RBFOX2: variants seen among roughly 807,000 people sequenced by gnomAD.
The protein encoded by RBFOX2 is RNA binding fox-1 homolog 2.
RBFOX2 carries 10 observed loss-of-function variants against 49.1 expected under a neutral mutation model. That is an observed-to-expected ratio of 0.20 (90% CI 0.13 to 0.35). The LOEUF (loss-of-function observed/expected upper bound fraction) is 0.35, where lower values mean the gene tolerates loss of function less well. RBFOX2 is among the 10% of genes least tolerant of loss of function. The pLI is 1.00. For synonymous variants in RBFOX2, 183 were observed against 187.4 expected, an observed-to-expected ratio of 0.98 and a Z score of 0.19; for missense variants, 323 against 486.9, an observed-to-expected ratio of 0.66 and a Z score of 3.17.
At chr22:35,996,128 T>G (rs1444371074) in intron 1 of RBFOX2, 1 of 152,184 alleles carries the variant, frequency 6.6e-6, no homozygotes. Flanking sequence ...CTCTCCCAAA[T>G]GAAAAGTTTC....
chr22:35,743,840 G>A (rs1009637681), exon 12 of RBFOX2: 11 of 191,956 alleles, frequency 5.7e-5, no homozygotes, highest in African/African-American at 1.2e-4. Flanking sequence ...TGCATTTATC[G>A]GCTCCTAATG....
chr22:35,898,017 A>G (rs926600525), intron 1 of RBFOX2: 2 of 725,230 alleles, frequency 2.8e-6, no homozygotes, highest in Non-Finnish European at 5.1e-6. Context: ...CTCGTCCAAC[A>G]AGATTTATGA....
chr22:36,000,135 G>T (rs2058355734), intron 1 of RBFOX2: 2 of 151,450 alleles, frequency 1.3e-5, no homozygotes, highest in South Asian at 4.2e-4. Flanking sequence ...CGAATAGCTA[G>T]GATTACGGAC....
At chr22:35,865,426 G>C (rs947088663) in intron 1 of RBFOX2, among the ~76,000 whole-genome samples, 10 of 152,054 alleles carry the variant, frequency 6.6e-5, no homozygotes, top group Non-Finnish European at 1.0e-4. Flanking sequence ...ACTAAACAGG[G>C]GCTTTTCCTC....
intron 1 of RBFOX2, among the ~76,000 whole-genome samples, chr22:35,847,664 T>C (rs942869248): frequency 6.6e-6 from 1 of 152,152 alleles, no homozygotes; most frequent in African/African-American, 2.4e-5. Context: ...TGTTTTTTTT[T>C]AATCCCATTA....
intron 1 of RBFOX2, among the ~76,000 whole-genome samples, chr22:35,912,018 G>A (rs570436877): frequency 1.1e-4 from 17 of 152,006 alleles, no homozygotes; most frequent in Non-Finnish European, 2.2e-4. Flanking sequence ...TCCTGAATGA[G>A]ACTGCAAATT....
intron 1 of RBFOX2, among the ~76,000 whole-genome samples, chr22:35,851,344 A>G (rs1407060242): frequency 6.6e-6 from 1 of 152,216 alleles, no homozygotes; most frequent in East Asian, 1.9e-4. Flanking sequence ...TAAAACATTT[A>G]TTGAACATCT....
At chr22:35,945,999 C>A (rs181167271) in intron 1 of RBFOX2, among the ~76,000 whole-genome samples, 9 of 152,092 alleles carry the variant, frequency 5.9e-5, no homozygotes, top group Admixed American at 6.5e-5. Context: ...CCGCTCCCCC[C>A]TTTTTTTTAA....
At chr22:35,833,780 A>G (rs893515639) in intron 1 of RBFOX2, among the ~76,000 whole-genome samples, 2 of 152,230 alleles carry the variant, frequency 1.3e-5, no homozygotes, top group Admixed American at 6.5e-5. Flanking sequence ...CAACATGGAC[A>G]TTAATAGTAC....
At chr22:35,945,183 C>T (rs889277577) in intron 1 of RBFOX2, among the ~76,000 whole-genome samples, 5 of 152,028 alleles carry the variant, frequency 3.3e-5, no homozygotes, top group African/African-American at 4.8e-5. Flanking sequence ...ACTCCCCAGT[C>T]GAAAATGAAT....
upstream of RBFOX2, among the ~76,000 whole-genome samples, chr22:35,942,814 A>G (rs1402380142): frequency 6.6e-6 from 1 of 152,208 alleles, no homozygotes; most frequent in Admixed American, 6.5e-5. Context: ...AGGGAGAAGA[A>G]TAAGATTTGT....
intron 1 of RBFOX2, among the ~76,000 whole-genome samples, chr22:36,011,437 G>C (rs1203610678): frequency 1.3e-5 from 2 of 152,066 alleles, no homozygotes; most frequent in African/African-American, 2.4e-5. Flanking sequence ...ATTTGGACAT[G>C]GTTCTCTCAG....
chr22:35,897,523 G>A, intron 1 of RBFOX2: 1 of 822,716 alleles, frequency 1.2e-6, no homozygotes, highest in Non-Finnish European at 2.2e-6. Context: ...GGTGGCAAGG[G>A]GTACGGGAGG....
At chr22:35,865,054 CTCTT>C (rs2043511658) in intron 1 of RBFOX2, among the ~76,000 whole-genome samples, 1 of 152,124 alleles carries the variant, frequency 6.6e-6, no homozygotes, top group South Asian at 2.1e-4. Flanking sequence ...GTCTTTGGCT[CTCTT>C]TGAGAAAACT....
upstream of RBFOX2, among the ~76,000 whole-genome samples, chr22:35,942,047 G>C (rs2053747471): frequency 6.6e-6 from 1 of 152,118 alleles, no homozygotes; most frequent in Admixed American, 6.5e-5. Flanking sequence ...ACCTCCACTA[G>C]GGCACATAAC....
chr22:35,754,242 C>T (rs1184747973), intron 9 of RBFOX2, among the ~76,000 whole-genome samples: 6 of 151,924 alleles, frequency 3.9e-5, no homozygotes, highest in Non-Finnish European at 7.4e-5. Flanking sequence ...CAGGCGCCCG[C>T]CACCACGCCT....
chr22:35,935,861 A>T (rs2052999203), intron 1 of RBFOX2, among the ~76,000 whole-genome samples: 2 of 152,140 alleles, frequency 1.3e-5, no homozygotes, highest in Non-Finnish European at 2.9e-5. Context: ...CAATTTCCTC[A>T]TCTTTCCAGA....
At chr22:36,013,561 G>C (rs1035255131) in intron 1 of RBFOX2, among the ~76,000 whole-genome samples, 2 of 151,954 alleles carry the variant, frequency 1.3e-5, no homozygotes, top group Non-Finnish European at 2.9e-5. Context: ...AGGTTTGTCT[G>C]TCTGCAAGGC....
chr22:36,028,564 G>T, exon 1 of RBFOX2: 1 of 810,882 alleles, frequency 1.2e-6, no homozygotes, highest in Non-Finnish European at 1.5e-6. Context: ...GCGCGCGAGC[G>T]GACTCCGCGC....
Sources: allele counts gnomAD v4.1 joint callset (sites outside exome capture counted in the v4.1 genomes callset), GRCh38; gene constraint gnomAD v4.1.1; transcripts MANE v1.5; gene names NCBI Gene and HGNC (gene_info 2026-07-23, HGNC 2026-07-21).